DDC: variants seen among roughly 807,000 people sequenced by gnomAD.
The protein encoded by DDC is dopa decarboxylase.
In DDC, 43 loss-of-function variants were observed where a neutral mutation model predicts 60.0. The observed-to-expected ratio is 0.72, with a 90% CI of 0.56 to 0.92. DDC has a LOEUF of 0.92. Among genes scored for constraint, DDC ranks in the 40% least tolerant of loss-of-function variants. The pLI is 0.00. For synonymous variants in DDC, 232 were observed against 234.6 expected (o/e 0.99, Z 0.10); for missense variants, 573 against 620.2 (o/e 0.92, Z 0.81).
chr7:50,508,146 G>A (rs928211573), intron 6 of DDC, among the ~76,000 whole-genome samples: 8 of 152,232 alleles, frequency 5.3e-5, no homozygotes, highest in African/African-American at 1.9e-4. Flanking sequence ...AGGCCTGGGG[G>A]CTGCAAGGAC....
chr7:50,495,498 TAA>T, intron 8 of DDC, 81 bp from the exon 9 acceptor site: 1 of 1,164,458 alleles, frequency 8.6e-7, no homozygotes, highest in Non-Finnish European at 1.2e-6. Context: ...TACATGATAA[TAA>T]AAGTTTATGG....
intron 10 of DDC, among the ~76,000 whole-genome samples, chr7:50,478,303 T>A (rs1398354075): frequency 1.3e-5 from 2 of 152,218 alleles, no homozygotes; most frequent in African/African-American, 4.8e-5. Context: ...CCGCACCATC[T>A]GATACGGTAG....
intron 1 of DDC, among the ~76,000 whole-genome samples, chr7:50,559,404 T>C (rs1966839): frequency 0.32 from 48,513 of 150,922 alleles, 8,447 homozygotes; most frequent in East Asian, 0.48. Context: ...AAGCACCAGA[T>C]AAACACAAAA....
chr7:50,506,524 C>A (rs2043401042), intron 6 of DDC, among the ~76,000 whole-genome samples: 2 of 152,196 alleles, frequency 1.3e-5, no homozygotes, highest in Admixed American at 1.3e-4. Context: ...GAAAGGTGAA[C>A]TTGCAAGTGA....
chr7:50,536,793 G>T (rs145809460), intron 4 of DDC, among the ~76,000 whole-genome samples: 169 of 152,314 alleles, frequency 1.1e-3, no homozygotes, highest in Non-Finnish European at 2.1e-3. Context: ...CTAGTTTCGC[G>T]TGGCCACACT....
chr7:50,517,674 A>G (rs906004086), intron 6 of DDC, among the ~76,000 whole-genome samples: 2 of 152,150 alleles, frequency 1.3e-5, no homozygotes, highest in African/African-American at 4.8e-5. Flanking sequence ...TGCCTTGAAA[A>G]TCCTAAAGAC....
intron 6 of DDC, among the ~76,000 whole-genome samples, chr7:50,508,188 GAGCTACAAGTC>G (rs1249040106): frequency 2.6e-5 from 4 of 152,240 alleles, no homozygotes; most frequent in Non-Finnish European, 5.9e-5. Flanking sequence ...ACGTGGGGCT[GAGCTACAAGTC>G]AGCCTGTCCT....
At chr7:50,469,255 TAAAAAA>T (rs755613984) in intron 12 of DDC, among the ~76,000 whole-genome samples, 5 of 56,568 alleles carry the variant, frequency 8.8e-5, no homozygotes, top group African/African-American at 2.4e-4. Context: ...ATTGTTATTT[TAAAAAA>T]AAAAAAAAAA....
chr7:50,468,193 G>A (rs79724783), intron 12 of DDC, among the ~76,000 whole-genome samples: 5 of 152,222 alleles, frequency 3.3e-5, no homozygotes, highest in Admixed American at 1.3e-4. Context: ...GTGGTTCCTC[G>A]TCATGCCACC....
intron 11 of DDC, 91 bp from the exon 12 acceptor site, chr7:50,470,262 G>A (rs2042500083): frequency 9.3e-6 from 9 of 967,610 alleles, no homozygotes; most frequent in Non-Finnish European, 1.5e-5. Flanking sequence ...TTCTCTTGGA[G>A]GCAGCCGATT....
intron 6 of DDC, among the ~76,000 whole-genome samples, chr7:50,511,070 C>T (rs1189156467): frequency 2.0e-5 from 3 of 148,922 alleles, no homozygotes. Context: ...CACACACACA[C>T]ACACACACAC....
chr7:50,544,113 AC>A lies in DDC; in HGVS notation c.-28-1del. 1 of 1,610,044 alleles carries A rather than the reference AC, an allele frequency of 6.2e-7. No individual in the cohort carries two copies. The highest frequency in any genetic ancestry group is 1.1e-5 in the South Asian group (1 of 90,990). On this transcript the variant is annotated splice_acceptor_variant, in intron 1 of 14. Transcript: ENST00000444124. LOFTEE classifies it low-confidence loss of function (5UTR_SPLICE). Reference sequence around the variant, plus strand: ...TGTCTGGGCTCTGTCAGAGGTGAAAACTGCAGAAAGAAAATGATTCAGTGAG... The same window carrying A: ...TGTCTGGGCTCTGTCAGAGGTGAAAATGCAGAAAGAAAATGATTCAGTGAG...
intron 9 of DDC, chr7:50,492,944 T>A: frequency 6.3e-7 from 1 of 1,598,164 alleles, no homozygotes; most frequent in South Asian, 1.1e-5. Context: ...CAACTCCTTC[T>A]CACCACCGCA....
intron 1 of DDC, among the ~76,000 whole-genome samples, chr7:50,553,216 GCAAA>G (rs2045068502): frequency 6.6e-6 from 1 of 152,144 alleles, no homozygotes; most frequent in African/African-American, 2.4e-5. Context: ...TGATTTTGCT[GCAAA>G]CACCGGGATA....
intron 4 of DDC, among the ~76,000 whole-genome samples, chr7:50,532,314 G>T (rs1248154742): frequency 9.9e-5 from 15 of 152,236 alleles, no homozygotes; most frequent in Non-Finnish European, 2.9e-5. Flanking sequence ...TTGTGTTAAA[G>T]CGGGGGCTGA....
chr7:50,485,871 G>A (rs1454527331), intron 9 of DDC, among the ~76,000 whole-genome samples: 1 of 152,094 alleles, frequency 6.6e-6, no homozygotes, highest in Non-Finnish European at 1.5e-5. Context: ...AGCCAACCTC[G>A]ACCAAGCATG....
intron 4 of DDC, among the ~76,000 whole-genome samples, chr7:50,531,592 G>T (rs765268325): frequency 6.6e-6 from 1 of 151,922 alleles, no homozygotes; most frequent in South Asian, 2.1e-4. Context: ...GGGGATGGGG[G>T]AGCTTAGTTC....
chr7:50,548,667 A>C (rs916379331), intron 1 of DDC, among the ~76,000 whole-genome samples: 2 of 152,248 alleles, frequency 1.3e-5, no homozygotes, highest in Admixed American at 1.3e-4. Context: ...CATTACATAG[A>C]AGTGCAAGGT....
chr7:50,509,370 G>C (rs1056344804), intron 6 of DDC, among the ~76,000 whole-genome samples: 1 of 152,142 alleles, frequency 6.6e-6, no homozygotes, highest in Non-Finnish European at 1.5e-5. Flanking sequence ...ATTTGATTTT[G>C]TTTCTCTTAA....
Sources: gnomAD v4.1 joint callset for allele counts (sites outside exome capture counted in the v4.1 genomes callset) on GRCh38, gnomAD v4.1.1 for gene constraint, MANE v1.5 for transcripts, NCBI Gene and HGNC (gene_info 2026-07-23, HGNC 2026-07-21) for gene names.